PLPPR1: variants seen among roughly 807,000 people sequenced by gnomAD.
The protein encoded by PLPPR1 is phospholipid phosphatase-related protein type 1.
PLPPR1 carries 10 observed loss-of-function variants against 33.1 expected under a neutral mutation model. That is an observed-to-expected ratio of 0.30 (90% CI 0.19 to 0.51). The LOEUF is 0.51. Ranked by LOEUF, PLPPR1 falls within the 20% of genes least tolerant of loss-of-function variation. PLPPR1 has a pLI of 0.97. For missense variants in PLPPR1, 304 were observed against 408.1 expected (o/e 0.74, Z 2.20); for synonymous variants, 151 against 151.0 (o/e 1.00, Z 0.00).
intron 1 of PLPPR1, among the ~76,000 whole-genome samples, chr9:101,168,526 C>T (rs1825893570): frequency 6.6e-6 from 1 of 152,142 alleles, no homozygotes; most frequent in Non-Finnish European, 1.5e-5. Context: ...TATGAATTCT[C>T]ATTCTCTATG....
intron 1 of PLPPR1, among the ~76,000 whole-genome samples, chr9:101,031,563 G>A (rs1829945815): frequency 6.6e-6 from 1 of 152,150 alleles, no homozygotes. Context: ...GTTACATGCT[G>A]GAGGCTGGGG....
chr9:101,087,493 C>T (rs1038319933), intron 1 of PLPPR1, among the ~76,000 whole-genome samples: 2 of 152,246 alleles, frequency 1.3e-5, no homozygotes, highest in Admixed American at 6.5e-5. Flanking sequence ...ACCAAAGAAA[C>T]GTTTATAAAA....
At chr9:101,190,039 A>C (rs1039121735) in intron 2 of PLPPR1, among the ~76,000 whole-genome samples, 1 of 152,048 alleles carries the variant, frequency 6.6e-6, no homozygotes, top group East Asian at 1.9e-4. Flanking sequence ...TGAGAGTATC[A>C]CTTTGGAGGA....
At chr9:101,084,042 A>G (rs935052923) in intron 1 of PLPPR1, among the ~76,000 whole-genome samples, 1 of 152,180 alleles carries the variant, frequency 6.6e-6, no homozygotes, top group African/African-American at 2.4e-5. Context: ...CTCTACAGTC[A>G]CTATAATGAG....
At chr9:101,045,338 C>A (rs1564129267) in intron 1 of PLPPR1, among the ~76,000 whole-genome samples, 2 of 152,046 alleles carry the variant, frequency 1.3e-5, no homozygotes, top group African/African-American at 2.4e-5. Context: ...CATTCCTGTT[C>A]TTTTATTTAT....
chr9:101,306,331 G>A (rs868405107), intron 4 of PLPPR1, among the ~76,000 whole-genome samples: 16 of 152,168 alleles, frequency 1.1e-4, no homozygotes, highest in Non-Finnish European at 1.5e-4. Context: ...AGCCTGAGGC[G>A]GGGAGCCTGT....
intron 7 of PLPPR1, 28 bp from the exon 8 acceptor site, chr9:101,323,997 A>T: frequency 6.2e-7 from 1 of 1,609,630 alleles, no homozygotes; most frequent in Non-Finnish European, 8.5e-7. Flanking sequence ...CCTATCTCAG[A>T]TTTTATCTGC....
At chr9:101,290,902 T>A (rs1451379087) in intron 4 of PLPPR1, among the ~76,000 whole-genome samples, 8 of 152,222 alleles carry the variant, frequency 5.3e-5, no homozygotes, top group African/African-American at 1.9e-4. Flanking sequence ...GGTACCTGGT[T>A]CATCTCACTA....
chr9:101,324,254 A>C lies in PLPPR1; in HGVS notation c.*197A>C. On this transcript the variant is annotated 3_prime_UTR_variant, in exon 8 of 8. Transcript: ENST00000374874. ...TTTTTTTTTTTTTTGGTCAGCTTTAATATATTTATGCCAGAATTTTAAAAC... is the reference window on the plus strand; with the variant it reads ...TTTTTTTTTTTTTTGGTCAGCTTTACTATATTTATGCCAGAATTTTAAAAC... 2 of 452,594 alleles carry C rather than the reference A, an allele frequency of 4.4e-6. No homozygotes were observed. Among genetic ancestry groups the C allele is most frequent in the Non-Finnish European group, 7.7e-6 (2 of 258,362 alleles). The allele number at this position is 452,594 out of a possible 1,614,324, so 28.0% of individuals were successfully genotyped here.
Position 101,269,936 on chromosome 9 carries a change from T to G in PLPPR1, c.120T>G (p.Thr40=). 6.2e-7 allele frequency: 1 copy of G among 1,614,152 alleles called. No individual in the cohort carries two copies. Among genetic ancestry groups the G allele is most frequent in the Non-Finnish European group, 8.5e-7 (1 of 1,180,006 alleles). Residue 40 remains threonine, a synonymous_variant, in exon 3 of 8, where the codon ACT becomes ACG. Coordinates refer to ENST00000374874, the MANE Select transcript of PLPPR1 (RefSeq NM_207299.2). ...CCTACTACTTCGAATGCACTGACAC[T>G]TTTCAGGTGCATATCCAAGGATTCT... ...LLAYYFECTD[T]FQVHIQGFFC... is the part of the protein sequence containing the mutation.
intron 1 of PLPPR1, among the ~76,000 whole-genome samples, chr9:101,163,421 G>A (rs1825799628): frequency 6.6e-6 from 1 of 152,158 alleles, no homozygotes; most frequent in Admixed American, 6.6e-5. Context: ...AAGTTTCAGG[G>A]ACTAGCTTGC....
intron 1 of PLPPR1, among the ~76,000 whole-genome samples, chr9:101,155,242 G>T (rs1831663498): frequency 6.6e-6 from 1 of 152,136 alleles, no homozygotes; most frequent in Non-Finnish European, 1.5e-5. Context: ...CAGTCCTGCT[G>T]AACTGGAGAA....
chr9:101,293,280 C>A (rs1415223851), intron 4 of PLPPR1, among the ~76,000 whole-genome samples: 1 of 151,554 alleles, frequency 6.6e-6, no homozygotes, highest in Non-Finnish European at 1.5e-5. Context: ...GCACCCAATA[C>A]AGGACCACCC....
chr9:101,245,089 C>A (rs1397783728), intron 2 of PLPPR1, among the ~76,000 whole-genome samples: 1 of 151,942 alleles, frequency 6.6e-6, no homozygotes, highest in Non-Finnish European at 1.5e-5. Flanking sequence ...AAAAGAAAAA[C>A]CACTTTAAAC....
chr9:101,244,227 GC>G (rs1827537952), intron 2 of PLPPR1, among the ~76,000 whole-genome samples: 1 of 151,858 alleles, frequency 6.6e-6, no homozygotes, highest in South Asian at 2.1e-4. Context: ...CCCCCATGTA[GC>G]TTTGCAGTGT....
intron 2 of PLPPR1, among the ~76,000 whole-genome samples, chr9:101,201,058 C>T (rs1826483531): frequency 6.6e-6 from 1 of 152,162 alleles, no homozygotes; most frequent in South Asian, 2.1e-4. Context: ...GTTCTGGGGA[C>T]TGGGAATTCC....
intron 2 of PLPPR1, among the ~76,000 whole-genome samples, chr9:101,233,172 T>G (rs1827225561): frequency 6.6e-6 from 1 of 152,062 alleles, no homozygotes; most frequent in Non-Finnish European, 1.5e-5. Flanking sequence ...AACATATATT[T>G]CATTTACCAA....
intron 2 of PLPPR1, among the ~76,000 whole-genome samples, chr9:101,263,842 CA>C (rs1250271023): frequency 6.6e-6 from 1 of 152,196 alleles, no homozygotes; most frequent in Non-Finnish European, 1.5e-5. Flanking sequence ...GTGTTTAAAA[CA>C]GTTCCTGGGA....
chr9:101,116,640 C>G (rs768348919), intron 1 of PLPPR1, among the ~76,000 whole-genome samples: 1 of 151,938 alleles, frequency 6.6e-6, no homozygotes, highest in African/African-American at 2.4e-5. Flanking sequence ...TGGTGAAACC[C>G]CATCTCTACT....
Sources: gnomAD v4.1 joint callset for allele counts (sites outside exome capture counted in the v4.1 genomes callset) on GRCh38, gnomAD v4.1.1 for gene constraint, MANE v1.5 for transcripts, NCBI Gene and HGNC (gene_info 2026-07-23, HGNC 2026-07-21) for gene names.